The following CRPPA variants were observed in gnomAD, a reference collection of about 807,000 sequenced individuals.
CRPPA encodes CDP-L-ribitol pyrophosphorylase A, also known as D-ribitol-5-phosphate cytidylyltransferase.
CRPPA carries 43 observed loss-of-function variants against 52.0 expected under a neutral mutation model. The observed-to-expected ratio is 0.83, with a 90% CI of 0.65 to 1.07. The LOEUF is 1.07. CRPPA is among the 50% of genes least tolerant of loss of function. CRPPA has a pLI of 0.00. For synonymous variants in CRPPA, 250 were observed against 203.5 expected, an observed-to-expected ratio of 1.23 and a Z score of -1.94; for missense variants, 629 against 551.7, an observed-to-expected ratio of 1.14 and a Z score of -1.40.
intron 3 of CRPPA, among the ~76,000 whole-genome samples, chr7:16,316,345 A>G (rs1785143966): frequency 6.6e-6 from 1 of 152,144 alleles, no homozygotes; most frequent in African/African-American, 2.4e-5. Context: ...ACCCTTTGCC[A>G]TGTACACACT....
At chr7:16,115,943 A>C (rs1048747143) in intron 9 of CRPPA, among the ~76,000 whole-genome samples, 1 of 152,202 alleles carries the variant, frequency 6.6e-6, no homozygotes, top group African/African-American at 2.4e-5. Context: ...GGAAAATTCC[A>C]ATTAATACAT....
At chr7:16,168,099 A>T (rs1781104491) in intron 9 of CRPPA, among the ~76,000 whole-genome samples, 1 of 152,196 alleles carries the variant, frequency 6.6e-6, no homozygotes, top group African/African-American at 2.4e-5. Flanking sequence ...ATGGTCACCA[A>T]TCACTATGTA....
chr7:16,218,950 C>A (rs866036331), intron 8 of CRPPA, among the ~76,000 whole-genome samples: 1 of 152,164 alleles, frequency 6.6e-6, no homozygotes, highest in African/African-American at 2.4e-5. Flanking sequence ...ACCTAATAGA[C>A]ATCTATAGAA....
chr7:16,399,653 A>C (rs1787740722), intron 2 of CRPPA, among the ~76,000 whole-genome samples: 1 of 152,016 alleles, frequency 6.6e-6, no homozygotes, highest in South Asian at 2.1e-4. Flanking sequence ...CATGTAATCA[A>C]CGTGTGACAC....
intron 3 of CRPPA, among the ~76,000 whole-genome samples, chr7:16,371,798 T>TA (rs1004174822): frequency 6.6e-6 from 1 of 151,848 alleles, no homozygotes; most frequent in Non-Finnish European, 1.5e-5. Context: ...AAAAACAACT[T>TA]AAAGACTTTT....
chr7:16,099,044 A>C (rs1781987035), intron 9 of CRPPA, among the ~76,000 whole-genome samples: 1 of 152,132 alleles, frequency 6.6e-6, no homozygotes, highest in African/African-American at 2.4e-5. Context: ...ACAGGGCCTT[A>C]CAATACAGTA....
chr7:16,351,024 G>A (rs1441424573), intron 3 of CRPPA, among the ~76,000 whole-genome samples: 1 of 152,064 alleles, frequency 6.6e-6, no homozygotes, highest in Admixed American at 6.6e-5. Context: ...TAGTGATAAA[G>A]GGGACAATTC....
chr7:16,354,103 T>TA (rs1218843377), intron 3 of CRPPA, among the ~76,000 whole-genome samples: 2 of 152,166 alleles, frequency 1.3e-5, no homozygotes, highest in Non-Finnish European at 2.9e-5. Context: ...GTTCAGTTTT[T>TA]AAAATGTCCT....
chr7:16,397,106 GAC>G (rs796215040), intron 2 of CRPPA, among the ~76,000 whole-genome samples: 14 of 151,866 alleles, frequency 9.2e-5, no homozygotes, highest in African/African-American at 2.9e-4. Flanking sequence ...TGTGAAATAA[GAC>G]ACGTGGACAC....
At chr7:16,203,369 A>G (rs562093562) in intron 9 of CRPPA, among the ~76,000 whole-genome samples, 20 of 152,130 alleles carry the variant, frequency 1.3e-4, no homozygotes, top group Non-Finnish European at 2.4e-4. Flanking sequence ...CTAGGCCTGA[A>G]TGATAGAAAG....
At chr7:16,314,775 T>C (rs1233781512) in intron 3 of CRPPA, among the ~76,000 whole-genome samples, 1 of 152,136 alleles carries the variant, frequency 6.6e-6, no homozygotes, top group East Asian at 1.9e-4. Context: ...TGAGATGTAA[T>C]TCTATGGGTA....
intron 2 of CRPPA, among the ~76,000 whole-genome samples, chr7:16,382,152 G>A (rs1787111550): frequency 6.6e-6 from 1 of 152,024 alleles, no homozygotes; most frequent in African/African-American, 2.4e-5. Flanking sequence ...TCCATGTTTA[G>A]TGCTTCCTTC....
chr7:16,387,607 T>C (rs1437482732), intron 2 of CRPPA, among the ~76,000 whole-genome samples: 1 of 151,760 alleles, frequency 6.6e-6, no homozygotes, highest in African/African-American at 2.4e-5. Context: ...GAGACAACTA[T>C]GATTCAAAGA....
At chr7:16,243,293 G>A (rs1783177873) in intron 8 of CRPPA, among the ~76,000 whole-genome samples, 1 of 152,176 alleles carries the variant, frequency 6.6e-6, no homozygotes, top group South Asian at 2.1e-4. Context: ...CAGCCATGTG[G>A]AACTGTGAGA....
intron 3 of CRPPA, among the ~76,000 whole-genome samples, chr7:16,353,232 G>A (rs769829676): frequency 6.6e-6 from 1 of 151,750 alleles, no homozygotes; most frequent in African/African-American, 2.4e-5. Flanking sequence ...CACTGCCTGT[G>A]GTCCGAGTTA....
intron 2 of CRPPA, among the ~76,000 whole-genome samples, chr7:16,400,500 C>T (rs1027869341): frequency 6.6e-6 from 1 of 152,198 alleles, no homozygotes; most frequent in Non-Finnish European, 1.5e-5. Context: ...ACATGTATAA[C>T]ACCCGAACGA....
rs573408240 is a variant in CRPPA, at chr7:16,256,441, C to G, written c.1119+1949G>C. Among the ~76,000 whole-genome samples the G allele has an allele frequency of 3.9e-4, 60 of 152,288 alleles. No individual in the cohort carries two copies. In the South Asian group the frequency reaches 0.012, roughly 29 times the overall value. ...TACACCCAAAGGATTATAAATCATT[C>G]TACAATAAAGACACATGCACACGTA... On this transcript the variant is annotated intron_variant, in intron 8 of 9. Transcript: ENST00000407010.
chr7:16,280,238 G>C (rs998740127), intron 5 of CRPPA, among the ~76,000 whole-genome samples: 1 of 152,240 alleles, frequency 6.6e-6, no homozygotes, highest in Non-Finnish European at 1.5e-5. Context: ...GGGATACTTA[G>C]TGAGATCAAA....
chr7:16,102,657 A>C (rs1782071508), intron 9 of CRPPA, among the ~76,000 whole-genome samples: 1 of 152,266 alleles, frequency 6.6e-6, no homozygotes, highest in Non-Finnish European at 1.5e-5. Flanking sequence ...GGATATAAAC[A>C]GACACTTCTC....
Sources: gnomAD v4.1 joint callset for allele counts (sites outside exome capture counted in the v4.1 genomes callset) on GRCh38, gnomAD v4.1.1 for gene constraint, MANE v1.5 for transcripts, NCBI Gene and HGNC (gene_info 2026-07-23, HGNC 2026-07-21) for gene names.